Variants in CSMD1 observed in about 807,000 individuals in gnomAD.
The protein encoded by CSMD1 is CUB and Sushi multiple domains 1, also known as CUB and sushi domain-containing protein 1.
In CSMD1, 213 loss-of-function variants were observed where a neutral mutation model predicts 417.5. The ratio of observed to expected loss-of-function variants is 0.51; its 90% CI spans 0.46 to 0.57. The LOEUF (loss-of-function observed/expected upper bound fraction) is 0.57, where lower values mean the gene tolerates loss of function less well. CSMD1 is among the 20% of genes least tolerant of loss of function. The pLI is 0.00. For synonymous variants in CSMD1, 2,862 were observed against 1,736.8 expected (o/e 1.65, Z -16.11); for missense variants, 6,923 against 4,529.7 (o/e 1.53, Z -15.17).
intron 5 of CSMD1, among the ~76,000 whole-genome samples, chr8:3,953,258 G>C (rs530459374): frequency 7.9e-5 from 12 of 152,166 alleles, no homozygotes; most frequent in African/African-American, 2.6e-4. Context: ...TTAAGGAGAA[G>C]TTTTTACCCT....
chr8:3,028,299 C>G (rs377053967), intron 51 of CSMD1, among the ~76,000 whole-genome samples: 8 of 152,170 alleles, frequency 5.3e-5, no homozygotes, highest in Admixed American at 5.2e-4. Context: ...GTGACAAAAT[C>G]TGTGCACGAC....
At chr8:4,540,237 G>C (rs17416011) in intron 2 of CSMD1, among the ~76,000 whole-genome samples, 11,274 of 152,228 alleles carry the variant, frequency 0.074, 519 homozygotes, top group South Asian at 0.13. Context: ...CTCAGATAAT[G>C]TGGTAGATTC....
At chr8:4,546,383 C>G (rs1484066242) in intron 2 of CSMD1, among the ~76,000 whole-genome samples, 2 of 152,166 alleles carry the variant, frequency 1.3e-5, no homozygotes, top group African/African-American at 2.4e-5. Context: ...CTGAGTGTGT[C>G]TGTGAGGGGG....
At chr8:2,968,844 T>A (rs1804197551) in intron 57 of CSMD1, among the ~76,000 whole-genome samples, 1 of 152,214 alleles carries the variant, frequency 6.6e-6, no homozygotes, top group African/African-American at 2.4e-5. Context: ...TTTCCTGAGT[T>A]TATTTTCTTT....
chr8:4,306,094 A>G (rs1798228379), intron 3 of CSMD1, among the ~76,000 whole-genome samples: 1 of 152,188 alleles, frequency 6.6e-6, no homozygotes, highest in Admixed American at 6.6e-5. Context: ...GTTATAATGA[A>G]TCTTCTTTTG....
chr8:4,946,960 A>T (rs771415456), intron 1 of CSMD1, among the ~76,000 whole-genome samples: 6 of 152,224 alleles, frequency 3.9e-5, no homozygotes, highest in Admixed American at 6.5e-5. Context: ...TTCTTCATAT[A>T]TATTATTTTG....
chr8:4,062,087 G>A (rs928124990), intron 3 of CSMD1, among the ~76,000 whole-genome samples: 17 of 152,078 alleles, frequency 1.1e-4, no homozygotes, highest in African/African-American at 4.1e-4. Flanking sequence ...CAGGAGAATG[G>A]CAAAGCATCA....
chr8:4,410,184 T>G (rs577670666), intron 3 of CSMD1, among the ~76,000 whole-genome samples: 1 of 152,306 alleles, frequency 6.6e-6, no homozygotes, highest in South Asian at 2.1e-4. Context: ...ATTAAAAGTT[T>G]TCTATACCAG....
At chr8:4,763,240 C>T (rs1812230803) in intron 1 of CSMD1, among the ~76,000 whole-genome samples, 1 of 152,142 alleles carries the variant, frequency 6.6e-6, no homozygotes, top group South Asian at 2.1e-4. Flanking sequence ...TCTGAAAACT[C>T]TTTTGGACAA....
intron 4 of CSMD1, among the ~76,000 whole-genome samples, chr8:4,018,512 C>T (rs774121710): frequency 6.6e-6 from 1 of 152,092 alleles, no homozygotes. Flanking sequence ...CAGCCAAAGC[C>T]CAGCAGCTTC....
At chr8:3,789,944 G>C (rs909447861) in intron 5 of CSMD1, among the ~76,000 whole-genome samples, 2 of 152,084 alleles carry the variant, frequency 1.3e-5, no homozygotes, top group East Asian at 1.9e-4. Context: ...TGTTAGCCAG[G>C]ATGGTCTCGA....
rs567320183 is a variant in CSMD1, at chr8:4,151,027, T to G, written c.416-118928A>C. Among the ~76,000 whole-genome samples the G allele has an allele frequency of 1.4e-4, 22 of 152,278 alleles. No individual in the cohort carries two copies. The South Asian group carries it at 4.6e-3, about 32-fold the overall frequency. On this transcript the variant is annotated intron_variant, in intron 3 of 69. Transcript: ENST00000635120. ...GATGCAAGAGAAATTGTGTCCCATA[T>G]GCAGACGTAATAAAACGGTTGAGGA...
chr8:3,919,459 C>T (rs532063749), intron 5 of CSMD1, among the ~76,000 whole-genome samples: 58 of 152,110 alleles, frequency 3.8e-4, no homozygotes, highest in African/African-American at 1.4e-3. Context: ...CTTGAGTTCA[C>T]TTTCTGGCTT....
chr8:4,986,384 C>T (rs1811178771), intron 1 of CSMD1, among the ~76,000 whole-genome samples: 1 of 152,128 alleles, frequency 6.6e-6, no homozygotes, highest in Non-Finnish European at 1.5e-5. Context: ...AATGAAGACA[C>T]TTTCTGTTAA....
intron 4 of CSMD1, among the ~76,000 whole-genome samples, chr8:4,000,911 A>G (rs145725708): frequency 6.6e-6 from 1 of 152,152 alleles, no homozygotes; most frequent in Non-Finnish European, 1.5e-5. Flanking sequence ...AAATTATCAA[A>G]GTCCACGTTA....
At chr8:3,389,314 G>A (rs903634672) in intron 17 of CSMD1, among the ~76,000 whole-genome samples, 16 of 151,948 alleles carry the variant, frequency 1.1e-4, no homozygotes, top group African/African-American at 3.9e-4. Flanking sequence ...TTCCCTCTAT[G>A]TGTCCATGTG....
intron 10 of CSMD1, among the ~76,000 whole-genome samples, chr8:3,502,352 G>C (rs1398238406): frequency 8.4e-6 from 1 of 119,186 alleles, no homozygotes; most frequent in Non-Finnish European, 1.6e-5. Flanking sequence ...GGGACAGACC[G>C]AGACTTCATC....
At chr8:4,640,981 A>G (rs756092885) in intron 1 of CSMD1, among the ~76,000 whole-genome samples, 8 of 151,682 alleles carry the variant, frequency 5.3e-5, no homozygotes, top group Non-Finnish European at 1.2e-4. Flanking sequence ...AAGTATATAT[A>G]TATGTATGTG....
At chr8:4,840,512 T>C (rs1257180243) in intron 1 of CSMD1, among the ~76,000 whole-genome samples, 1 of 152,172 alleles carries the variant, frequency 6.6e-6, no homozygotes, top group Non-Finnish European at 1.5e-5. Context: ...TAAGTTATGG[T>C]GGTGAGACTT....
Sources: allele counts gnomAD v4.1 joint callset (sites outside exome capture counted in the v4.1 genomes callset), GRCh38; gene constraint gnomAD v4.1.1; transcripts MANE v1.5; gene names NCBI Gene and HGNC (gene_info 2026-07-23, HGNC 2026-07-21).